APBA1: variants seen among roughly 807,000 people sequenced by gnomAD.
The protein encoded by APBA1 is amyloid-beta A4 precursor protein-binding family A member 1.
In APBA1, 55 loss-of-function variants were observed where a neutral mutation model predicts 86.6. The ratio of observed to expected loss-of-function variants is 0.64; its 90% CI spans 0.51 to 0.80. The LOEUF (loss-of-function observed/expected upper bound fraction) is 0.80. Ranked by LOEUF, APBA1 falls within the 30% of genes least tolerant of loss-of-function variation. APBA1 has a pLI of 0.00. For missense variants in APBA1, 1,090 were observed against 1,183.0 expected (o/e 0.92, Z 1.15); for synonymous variants, 511 against 493.9 (o/e 1.03, Z -0.46).
intron 11 of APBA1, among the ~76,000 whole-genome samples, chr9:69,440,090 G>A (rs1834786407): frequency 6.6e-6 from 1 of 152,214 alleles, no homozygotes; most frequent in South Asian, 2.1e-4. Context: ...AGTGGCTGCA[G>A]AACAGCGGAT....
intron 2 of APBA1, among the ~76,000 whole-genome samples, chr9:69,511,562 C>A (rs1458351991): frequency 1.3e-4 from 19 of 151,724 alleles, no homozygotes; most frequent in African/African-American, 4.4e-4. Flanking sequence ...ACCCAGCCAT[C>A]CCATTACTGG....
At chr9:69,627,142 A>G (rs948385145) in intron 1 of APBA1, among the ~76,000 whole-genome samples, 1 of 152,164 alleles carries the variant, frequency 6.6e-6, no homozygotes, top group Admixed American at 6.6e-5. Context: ...AACATGCTAC[A>G]TAATAATTTC....
chr9:69,482,291 C>T (rs1835525266), intron 2 of APBA1, among the ~76,000 whole-genome samples: 2 of 151,650 alleles, frequency 1.3e-5, no homozygotes, highest in African/African-American at 2.4e-5. Flanking sequence ...AAACAAACAA[C>T]CTCATCAAAA....
chr9:69,626,827 T>C (rs1227884127), intron 1 of APBA1, among the ~76,000 whole-genome samples: 1 of 152,080 alleles, frequency 6.6e-6, no homozygotes, highest in African/African-American at 2.4e-5. Context: ...CCCATATTTA[T>C]TTACCTACTA....
At position 69,516,117 on chromosome 9, in the gene APBA1, A is replaced by C; in HGVS notation, c.1094T>G (p.Ile365Ser). The change falls in exon 2 of 13, where the codon ATC (isoleucine) becomes AGC (serine). Residue 365 changes from isoleucine (I) to serine (S), a missense_variant. Around this residue, in one of 6 missense-constraint regions of APBA1, gnomAD observed 678 missense variants for 647.1 expected, o/e 1.05. Coordinates refer to ENST00000265381, the MANE Select transcript of APBA1 (RefSeq NM_001163.4). This position sits in a 1 kb window ranked among gnomAD's most constrained non-coding sequence, Gnocchi z 7.3. ...EAIEEVKTRT[I>S]RSPYTPDEPK... ...CTCGTCGGGGGTGTAAGGCGAACGG[A>C]TGGTCCTGGTTTTCACCTCCTCGAT... 6.2e-7 allele frequency: 1 copy of C among 1,613,452 alleles called. No homozygotes were observed. The highest frequency in any genetic ancestry group is 8.5e-7 in the Non-Finnish European group (1 of 1,179,708).
intron 5 of APBA1, chr9:69,465,357 G>T (rs1835260256): frequency 6.6e-6 from 1 of 152,154 alleles, no homozygotes; most frequent in Non-Finnish European, 1.5e-5. Context: ...TGGCATATCT[G>T]GTACCCATGG....
intron 1 of APBA1, among the ~76,000 whole-genome samples, chr9:69,579,316 C>T (rs897497213): frequency 3.3e-5 from 5 of 152,086 alleles, no homozygotes; most frequent in Non-Finnish European, 5.9e-5. Context: ...TGCTAATCCC[C>T]GAGCAAGATG....
At position 69,568,274 on chromosome 9, in the gene APBA1, T is replaced by C. The variant is rs147249524; in HGVS notation, c.-69-50995A>G. 2.8e-4 allele frequency among the ~76,000 whole-genome samples: 42 copies of C among 152,188 alleles called. 1 individual carries two copies. The East Asian group carries it at 5.8e-3, about 21-fold the overall frequency. ...CACACTTCAACAAACACAGCAAGGG[T>C]TGGGGGCACTTCATGAAAGATCCAG... On this transcript the variant is annotated intron_variant, in intron 1 of 12. Transcript: ENST00000265381.
chr9:69,496,949 C>G (rs1366593140), intron 2 of APBA1, among the ~76,000 whole-genome samples: 1 of 146,614 alleles, frequency 6.8e-6, no homozygotes, highest in Non-Finnish European at 1.5e-5. Flanking sequence ...AAAGCTGCAA[C>G]TTTTTCAGTT....
At chr9:69,519,092 A>G (rs1836212097) in intron 1 of APBA1, among the ~76,000 whole-genome samples, 1 of 152,246 alleles carries the variant, frequency 6.6e-6, no homozygotes, top group Admixed American at 6.5e-5. Context: ...GGCTCCTCCC[A>G]TTAACTCCTG....
intron 1 of APBA1, among the ~76,000 whole-genome samples, chr9:69,598,360 C>T (rs1822275543): frequency 6.6e-6 from 1 of 151,762 alleles, no homozygotes; most frequent in African/African-American, 2.4e-5. Context: ...GTGCAGCGCA[C>T]CAGCATGGCA....
chr9:69,568,451 A>T (rs965823457), intron 1 of APBA1, among the ~76,000 whole-genome samples: 3 of 152,222 alleles, frequency 2.0e-5, no homozygotes, highest in African/African-American at 7.2e-5. Context: ...ATTACTACAA[A>T]AATACAGCCA....
chr9:69,623,488 A>C (rs890501550), intron 1 of APBA1, among the ~76,000 whole-genome samples: 6 of 152,140 alleles, frequency 3.9e-5, no homozygotes, highest in Admixed American at 2.0e-4. Context: ...GCTTGAAGTC[A>C]CAGAGGGAAG....
In APBA1 at chr9:69,441,969, G is replaced by A. The variant is rs1834831629; in HGVS notation, c.2182-854C>T. ...GTCCCCTGATCAGACTCACAGCAGT[G>A]ACAGAAGCCCTGGTGTGCTCAGAAG... On this transcript the variant is annotated intron_variant, in intron 10 of 12. Transcript: ENST00000265381. Among the ~76,000 whole-genome samples the A allele has an allele frequency of 2.0e-5, 3 of 152,206 alleles. No individual in the cohort carries two copies. The South Asian group carries it at 6.2e-4, about 31-fold the overall frequency.
At chr9:69,504,968 T>A (rs1410315809) in intron 2 of APBA1, among the ~76,000 whole-genome samples, 2 of 152,088 alleles carry the variant, frequency 1.3e-5, no homozygotes, top group African/African-American at 4.8e-5. Flanking sequence ...CTCATATTTC[T>A]GCCACCTGAG....
chr9:69,578,035 G>C (rs1821836598), intron 1 of APBA1, among the ~76,000 whole-genome samples: 1 of 152,306 alleles, frequency 6.6e-6, no homozygotes, highest in East Asian at 1.9e-4. Flanking sequence ...CCCTAGATTG[G>C]CTGTGTTGAA....
intron 1 of APBA1, among the ~76,000 whole-genome samples, chr9:69,644,855 A>C (rs1023073054): frequency 6.6e-6 from 1 of 152,210 alleles, no homozygotes; most frequent in Non-Finnish European, 1.5e-5. Context: ...CTTCAAGAAG[A>C]TGTCTGGTAG....
At chr9:69,540,550 C>T (rs564787895) in intron 1 of APBA1, among the ~76,000 whole-genome samples, 59 of 152,224 alleles carry the variant, frequency 3.9e-4, no homozygotes, top group African/African-American at 1.4e-3. Flanking sequence ...CCCTGCAACC[C>T]CTGACAACCA....
intron 2 of APBA1, among the ~76,000 whole-genome samples, chr9:69,489,459 C>G (rs1261584814): frequency 1.3e-5 from 2 of 152,054 alleles, no homozygotes; most frequent in Non-Finnish European, 2.9e-5. Context: ...TTTCTTACAC[C>G]TTATACAAAA....
Sources: gnomAD v4.1 joint callset for allele counts (sites outside exome capture counted in the v4.1 genomes callset) on GRCh38, gnomAD v4.1.1 for gene constraint, gnomAD v4.1.1 regional missense constraint, Gnocchi (gnomAD v3.1) non-coding constraint, MANE v1.5 for transcripts, NCBI Gene and HGNC (gene_info 2026-07-23, HGNC 2026-07-21) for gene names.